TAFA4: variants seen among roughly 807,000 people sequenced by gnomAD.
TAFA4 encodes the protein chemokine-like protein TAFA-4.
TAFA4 carries 20 observed loss-of-function variants against 21.1 expected under a neutral mutation model. That is an observed-to-expected ratio of 0.95 (90% CI 0.67 to 1.38). The LOEUF is 1.38. TAFA4 is among the 40% of genes most tolerant of loss of function. The pLI, the probability that TAFA4 is intolerant of heterozygous loss-of-function variation, is 0.00. For synonymous variants in TAFA4, 71 were observed against 67.4 expected, an observed-to-expected ratio of 1.05 and a Z score of -0.26; for missense variants, 211 against 180.9, an observed-to-expected ratio of 1.17 and a Z score of -0.95.
chr3:68,848,081 A>G (rs1266931442), intron 3 of TAFA4, among the ~76,000 whole-genome samples: 1 of 152,246 alleles, frequency 6.6e-6, no homozygotes, highest in East Asian at 1.9e-4. Context: ...ATTAAAAGGT[A>G]GATGCTATTA....
At chr3:68,766,764 G>A (rs540574494) in intron 3 of TAFA4, among the ~76,000 whole-genome samples, 1 of 152,198 alleles carries the variant, frequency 6.6e-6, no homozygotes, top group South Asian at 2.1e-4. Context: ...AGAAACACGG[G>A]ATGAAGAGCA....
chr3:68,808,765 TAACA>T (rs1703762546), intron 3 of TAFA4, among the ~76,000 whole-genome samples: 1 of 152,162 alleles, frequency 6.6e-6, no homozygotes, highest in Non-Finnish European at 1.5e-5. Flanking sequence ...TACACTGCAA[TAACA>T]AAAAAGCCCA....
intron 3 of TAFA4, among the ~76,000 whole-genome samples, chr3:68,800,636 C>T (rs770778073): frequency 3.3e-5 from 5 of 152,202 alleles, no homozygotes; most frequent in African/African-American, 4.8e-5. Context: ...TATCCACACT[C>T]AACTCCCCAA....
intron 4 of TAFA4, among the ~76,000 whole-genome samples, chr3:68,741,423 G>A (rs1245008809): frequency 6.6e-6 from 1 of 152,058 alleles, no homozygotes; most frequent in African/African-American, 2.4e-5. Context: ...ATTGTTCATT[G>A]CTAGAGAAAT....
intron 3 of TAFA4, among the ~76,000 whole-genome samples, chr3:68,764,751 GC>G (rs573713070): frequency 1.3e-5 from 2 of 152,158 alleles, no homozygotes; most frequent in Non-Finnish European, 2.9e-5. Flanking sequence ...ACTCAGCAGG[GC>G]CACTAGTGGA....
intron 3 of TAFA4, among the ~76,000 whole-genome samples, chr3:68,863,940 T>C (rs2089383808): frequency 1.3e-5 from 2 of 152,144 alleles, no homozygotes; most frequent in Non-Finnish European, 2.9e-5. Flanking sequence ...ACATGTTTTA[T>C]ATACAAAAAT....
chr3:68,820,614 C>T (rs1485900416), intron 3 of TAFA4, among the ~76,000 whole-genome samples: 1 of 152,024 alleles, frequency 6.6e-6, no homozygotes, highest in East Asian at 1.9e-4. Context: ...TGCAGTGAGC[C>T]ATGATAGCAC....
intron 4 of TAFA4, among the ~76,000 whole-genome samples, chr3:68,750,868 T>A (rs1282833220): frequency 6.6e-6 from 1 of 152,190 alleles, no homozygotes; most frequent in Non-Finnish European, 1.5e-5. Flanking sequence ...CATTCTCCAC[T>A]GTACTAAAAG....
At chr3:68,854,317 T>C (rs1705019247) in intron 3 of TAFA4, among the ~76,000 whole-genome samples, 2 of 151,934 alleles carry the variant, frequency 1.3e-5, no homozygotes, top group African/African-American at 4.8e-5. Flanking sequence ...ACATCAGGGA[T>C]AGAGCCAGGA....
chr3:68,805,640 T>C (rs1703678740), intron 3 of TAFA4, among the ~76,000 whole-genome samples: 1 of 152,068 alleles, frequency 6.6e-6, no homozygotes, highest in Non-Finnish European at 1.5e-5. Flanking sequence ...AAATGGTGAG[T>C]TCCTGTCCTT....
intron 3 of TAFA4, among the ~76,000 whole-genome samples, chr3:68,868,019 T>G (rs2089439761): frequency 6.6e-6 from 1 of 152,008 alleles, no homozygotes; most frequent in African/African-American, 2.4e-5. Flanking sequence ...TGAATGTAAA[T>G]TGACTAAATT....
chr3:68,839,846 A>T (rs534978896), intron 3 of TAFA4, among the ~76,000 whole-genome samples: 7 of 152,344 alleles, frequency 4.6e-5, no homozygotes, highest in Non-Finnish European at 7.3e-5. Flanking sequence ...GAGGTAGGAC[A>T]GAGCAGTTGC....
intron 3 of TAFA4, among the ~76,000 whole-genome samples, chr3:68,811,739 G>C (rs1703845118): frequency 6.6e-6 from 1 of 152,202 alleles, no homozygotes; most frequent in South Asian, 2.1e-4. Flanking sequence ...AACCAAGTTG[G>C]AAAACATTCT....
At chr3:68,753,642 T>A (rs1702604079) in intron 3 of TAFA4, among the ~76,000 whole-genome samples, 1 of 151,872 alleles carries the variant, frequency 6.6e-6, no homozygotes, top group Admixed American at 6.6e-5. Flanking sequence ...GGCCAACTGG[T>A]TGATTTTAAG....
intron 1 of TAFA4, among the ~76,000 whole-genome samples, chr3:68,922,258 G>C (rs2090066908): frequency 6.6e-6 from 1 of 152,154 alleles, no homozygotes; most frequent in African/African-American, 2.4e-5. Context: ...GAAATTCACA[G>C]GCCTCATCCC....
intron 3 of TAFA4, among the ~76,000 whole-genome samples, chr3:68,775,300 T>C (rs1226394326): frequency 1.3e-5 from 2 of 152,102 alleles, no homozygotes; most frequent in Non-Finnish European, 2.9e-5. Flanking sequence ...CTAGGCAGTG[T>C]AGGTTTAGAC....
chr3:68,872,936 C>T (rs1029415389), intron 3 of TAFA4, among the ~76,000 whole-genome samples: 2 of 152,026 alleles, frequency 1.3e-5, no homozygotes, highest in Admixed American at 6.6e-5. Context: ...AAGCACTTGA[C>T]GATTTTTTAA....
intron 4 of TAFA4, among the ~76,000 whole-genome samples, chr3:68,740,329 T>C (rs1702326416): frequency 6.6e-6 from 1 of 152,178 alleles, no homozygotes; most frequent in Admixed American, 6.5e-5. Flanking sequence ...TAGGAAAAAC[T>C]AAAAGCACTA....
intron 3 of TAFA4, among the ~76,000 whole-genome samples, chr3:68,841,799 T>C (rs1704672702): frequency 6.6e-6 from 1 of 152,154 alleles, no homozygotes; most frequent in South Asian, 2.1e-4. Flanking sequence ...ATGCAGTGTT[T>C]GGTTATTCGT....
Sources: allele counts gnomAD v4.1 joint callset (sites outside exome capture counted in the v4.1 genomes callset), GRCh38; gene constraint gnomAD v4.1.1; transcripts MANE v1.5; gene names NCBI Gene and HGNC (gene_info 2026-07-23, HGNC 2026-07-21).